DPYD: variants seen among roughly 807,000 people sequenced by gnomAD.
The protein encoded by DPYD is dihydropyrimidine dehydrogenase [NADP(+)].
In DPYD, 109 loss-of-function variants were observed where a neutral mutation model predicts 116.2. The ratio of observed to expected loss-of-function variants is 0.94; its 90% CI spans 0.80 to 1.10. The LOEUF (loss-of-function observed/expected upper bound fraction) is 1.10. DPYD is among the 50% of genes least tolerant of loss of function. The probability of loss-of-function intolerance (pLI) is 0.00; values close to 1 mark genes in which losing one functional copy is unlikely to be tolerated. For missense variants in DPYD, 1,302 were observed against 1,254.5 expected, an observed-to-expected ratio of 1.04 and a Z score of -0.57; for synonymous variants, 440 against 432.0, an observed-to-expected ratio of 1.02 and a Z score of -0.23.
At chr1:97,579,599 A>G (rs1653500780) in intron 10 of DPYD, among the ~76,000 whole-genome samples, 1 of 152,230 alleles carries the variant, frequency 6.6e-6, no homozygotes, top group African/African-American at 2.4e-5. Flanking sequence ...TAATTCACAC[A>G]TGTCAGTGTT....
chr1:97,184,417 C>A (rs1453054970), intron 20 of DPYD, among the ~76,000 whole-genome samples: 1 of 152,104 alleles, frequency 6.6e-6, no homozygotes, highest in Non-Finnish European at 1.5e-5. Context: ...TCTGCAACCT[C>A]ACCAGCATCT....
chr1:97,545,943 A>C (rs1650816779), intron 12 of DPYD: 1 of 1,125,866 alleles, frequency 8.9e-7, no homozygotes, highest in African/African-American at 1.5e-5. Flanking sequence ...AGATTGTCAT[A>C]CTCTACTGCA....
At chr1:97,621,820 C>T (rs939157082) in intron 8 of DPYD, among the ~76,000 whole-genome samples, 1 of 151,940 alleles carries the variant, frequency 6.6e-6, no homozygotes, top group African/African-American at 2.4e-5. Context: ...CACAAACACA[C>T]ACTAATGCAT....
At chr1:97,530,286 C>T (rs1649519176) in intron 12 of DPYD, among the ~76,000 whole-genome samples, 1 of 143,710 alleles carries the variant, frequency 7.0e-6, no homozygotes, top group South Asian at 2.3e-4. Flanking sequence ...GGCACAATCT[C>T]AGCTCACTGC....
intron 16 of DPYD, among the ~76,000 whole-genome samples, chr1:97,334,874 T>C (rs1034733688): frequency 3.3e-5 from 5 of 152,144 alleles, no homozygotes; most frequent in Admixed American, 6.6e-5. Flanking sequence ...GGGGAATTTG[T>C]GCCGCCACCT....
At chr1:97,211,375 A>C (rs1430924720) in intron 19 of DPYD, among the ~76,000 whole-genome samples, 2 of 152,168 alleles carry the variant, frequency 1.3e-5, no homozygotes, top group African/African-American at 2.4e-5. Context: ...TTCTAAGTTA[A>C]TGTAAAGTAC....
chr1:97,252,429 T>C (rs1663160183), intron 18 of DPYD, among the ~76,000 whole-genome samples: 1 of 152,328 alleles, frequency 6.6e-6, no homozygotes, highest in African/African-American at 2.4e-5. Context: ...TTTTTCCACA[T>C]TCGTAGATGC....
Position 97,506,748 on chromosome 1 carries a change from G to A in DPYD, c.1740+8978C>T, listed in dbSNP as rs551733401. ...AAGTGGTGAAGATGTAATTATATTGGAAAATTGATTAGTCTGCTTCATGGT... is the reference window on the plus strand; with the variant it reads ...AAGTGGTGAAGATGTAATTATATTGAAAAATTGATTAGTCTGCTTCATGGT... On this transcript the variant is annotated intron_variant, in intron 13 of 22. Coordinates refer to ENST00000370192, the MANE Select transcript of DPYD (RefSeq NM_000110.4). Among the ~76,000 whole-genome samples, 28 of 152,066 alleles carry A rather than the reference G, an allele frequency of 1.8e-4. No individual in the cohort carries two copies. The South Asian group carries it at 5.4e-3, about 29-fold the overall frequency.
intron 15 of DPYD, among the ~76,000 whole-genome samples, chr1:97,375,395 G>C (rs1671556225): frequency 6.6e-6 from 1 of 152,122 alleles, no homozygotes; most frequent in Admixed American, 6.5e-5. Context: ...TTAATCGGTT[G>C]ATAGTCTTGC....
chr1:97,730,488 T>C (rs116671166), intron 4 of DPYD, among the ~76,000 whole-genome samples: 1,853 of 152,192 alleles, frequency 0.012, 35 homozygotes, highest in African/African-American at 0.042. Flanking sequence ...CCTCCCAAAT[T>C]GAGGGGATTA....
At chr1:97,549,310 C>A (rs577739505) in intron 12 of DPYD, among the ~76,000 whole-genome samples, 1 of 152,092 alleles carries the variant, frequency 6.6e-6, no homozygotes, top group Non-Finnish European at 1.5e-5. Context: ...AGCATCCTCC[C>A]GCTTCAGCCT....
chr1:97,737,603 A>G (rs531867556), intron 4 of DPYD, among the ~76,000 whole-genome samples: 1 of 152,266 alleles, frequency 6.6e-6, no homozygotes. Flanking sequence ...TGATAAGAGT[A>G]TAAACCATTC....
intron 3 of DPYD, among the ~76,000 whole-genome samples, chr1:97,822,014 C>T (rs1484081709): frequency 1.3e-5 from 2 of 151,696 alleles, no homozygotes. Flanking sequence ...GTATTTATTT[C>T]ATATTTTTAG....
intron 8 of DPYD, among the ~76,000 whole-genome samples, chr1:97,651,082 C>T (rs1210197283): frequency 6.6e-6 from 1 of 151,864 alleles, no homozygotes; most frequent in East Asian, 1.9e-4. Flanking sequence ...CTTTGGGCAC[C>T]GTTATTTTAA....
chr1:97,418,538 G>C (rs2101689543), intron 14 of DPYD, among the ~76,000 whole-genome samples: 1 of 152,158 alleles, frequency 6.6e-6, no homozygotes, highest in African/African-American at 2.4e-5. Flanking sequence ...GACCTCAGGT[G>C]ATCCACCCTC....
intron 18 of DPYD, among the ~76,000 whole-genome samples, chr1:97,284,661 T>G (rs1665549098): frequency 6.6e-6 from 1 of 152,166 alleles, no homozygotes; most frequent in African/African-American, 2.4e-5. Context: ...TTCATTATTC[T>G]GCTCCCCCAC....
chr1:97,564,213 A>G (rs1652363492), intron 11 of DPYD, among the ~76,000 whole-genome samples: 1 of 152,188 alleles, frequency 6.6e-6, no homozygotes, highest in South Asian at 2.1e-4. Flanking sequence ...GTTATTAAAA[A>G]GCGAACAGGT....
Position 97,705,622 on chromosome 1 carries a change from G to A in DPYD, c.484-6075C>T, listed in dbSNP as rs542547272. 2.4e-4 allele frequency among the ~76,000 whole-genome samples: 36 copies of A among 152,180 alleles called. No individual in the cohort carries two copies. The East Asian group carries it at 6.4e-3, about 27-fold the overall frequency. On this transcript the variant is annotated intron_variant, in intron 5 of 22. Coordinates refer to ENST00000370192, the MANE Select transcript of DPYD (RefSeq NM_000110.4). ...TGTGCATGTGTCTTTATAGCAGCAT[G>A]ATTTATAATCCTTTGGGTATATACC...
chr1:97,189,564 C>A (rs773766566), intron 20 of DPYD, among the ~76,000 whole-genome samples: 18 of 152,122 alleles, frequency 1.2e-4, no homozygotes, highest in Non-Finnish European at 1.9e-4. Flanking sequence ...ACTCTTATTT[C>A]CCATAATTAA....
Sources: gnomAD v4.1 joint callset for allele counts (sites outside exome capture counted in the v4.1 genomes callset) on GRCh38, gnomAD v4.1.1 for gene constraint, MANE v1.5 for transcripts, NCBI Gene and HGNC (gene_info 2026-07-23, HGNC 2026-07-21) for gene names.